Variants in CCSER1 observed in about 807,000 individuals in gnomAD.
CCSER1 encodes serine-rich coiled-coil domain-containing protein 1.
Under a neutral mutation model 82.0 loss-of-function variants are expected in CCSER1, and 41 were observed. That is an observed-to-expected ratio of 0.50 (90% CI 0.39 to 0.65). The LOEUF (loss-of-function observed/expected upper bound fraction) is 0.65, where lower values mean the gene tolerates loss of function less well. Among genes scored for constraint, CCSER1 ranks in the 30% least tolerant of loss-of-function variants. The pLI, the probability that CCSER1 is intolerant of heterozygous loss-of-function variation, is 0.00. For synonymous variants in CCSER1, 414 were observed against 383.9 expected, an observed-to-expected ratio of 1.08 and a Z score of -0.92; for missense variants, 1,119 against 1,064.2, an observed-to-expected ratio of 1.05 and a Z score of -0.72.
chr4:91,553,415 A>C (rs888063137), intron 10 of CCSER1, among the ~76,000 whole-genome samples: 1 of 151,564 alleles, frequency 6.6e-6, no homozygotes, highest in African/African-American at 2.4e-5. Context: ...GCCTCATAAA[A>C]TGAGTTTGAA....
At chr4:91,162,406 C>T (rs2148980125) in intron 10 of CCSER1, among the ~76,000 whole-genome samples, 1 of 152,194 alleles carries the variant, frequency 6.6e-6, no homozygotes, top group South Asian at 2.1e-4. Context: ...TTGGTTGTGG[C>T]TCTGTCAGGC....
intron 6 of CCSER1, among the ~76,000 whole-genome samples, chr4:90,632,733 G>T (rs960653463): frequency 1.3e-5 from 2 of 152,026 alleles, no homozygotes; most frequent in Non-Finnish European, 2.9e-5. Flanking sequence ...TAGACTGTTG[G>T]TATTAAACAT....
At chr4:90,357,476 T>C (rs1050277055) in intron 3 of CCSER1, among the ~76,000 whole-genome samples, 2 of 151,978 alleles carry the variant, frequency 1.3e-5, no homozygotes, top group Admixed American at 6.6e-5. Flanking sequence ...AAATGTTTTG[T>C]GGAGGAACCA....
At chr4:91,554,562 A>G (rs530450411) in intron 10 of CCSER1, among the ~76,000 whole-genome samples, 2 of 151,480 alleles carry the variant, frequency 1.3e-5, no homozygotes, top group East Asian at 3.9e-4. Flanking sequence ...ATGTAAATAA[A>G]TGGAAAAATA....
At chr4:91,023,435 G>C (rs940995879) in intron 9 of CCSER1, among the ~76,000 whole-genome samples, 24 of 152,174 alleles carry the variant, frequency 1.6e-4, no homozygotes, top group Middle Eastern at 3.4e-3. Flanking sequence ...ACCAAAACAG[G>C]ATGGTACTGG....
intron 10 of CCSER1, among the ~76,000 whole-genome samples, chr4:91,176,950 G>A (rs1397101305): frequency 3.3e-5 from 5 of 152,144 alleles, no homozygotes; most frequent in Non-Finnish European, 7.3e-5. Context: ...GATATTGGCT[G>A]TGGGTTTGTC....
chr4:90,482,532 C>T (rs1189538453), intron 5 of CCSER1, among the ~76,000 whole-genome samples: 2 of 152,222 alleles, frequency 1.3e-5, no homozygotes, highest in African/African-American at 2.4e-5. Flanking sequence ...TCTCTCTACA[C>T]ACTGCTTTGA....
At chr4:90,506,135 G>T in intron 5 of CCSER1, among the ~76,000 whole-genome samples, 1 of 152,188 alleles carries the variant, frequency 6.6e-6, no homozygotes, top group East Asian at 1.9e-4. Context: ...ATGAGCACAA[G>T]AAGCAGAGTT....
At chr4:90,476,509 G>C (rs1765132299) in intron 5 of CCSER1, among the ~76,000 whole-genome samples, 1 of 151,966 alleles carries the variant, frequency 6.6e-6, no homozygotes, top group Admixed American at 6.6e-5. Context: ...TGTATTACTG[G>C]TACCTTGTGA....
intron 4 of CCSER1, among the ~76,000 whole-genome samples, chr4:90,419,333 T>C (rs1756332671): frequency 6.6e-6 from 1 of 151,968 alleles, no homozygotes; most frequent in Admixed American, 6.6e-5. Context: ...ATAGTAATCC[T>C]GTCATACATT....
intron 3 of CCSER1, among the ~76,000 whole-genome samples, chr4:90,344,600 A>G (rs1311005040): frequency 3.3e-5 from 5 of 152,142 alleles, no homozygotes; most frequent in African/African-American, 1.2e-4. Flanking sequence ...GAAAATTTAT[A>G]AGTTGAGCCA....
chr4:91,169,371 A>G (rs980089476), intron 10 of CCSER1, among the ~76,000 whole-genome samples: 5 of 152,126 alleles, frequency 3.3e-5, no homozygotes, highest in African/African-American at 1.2e-4. Flanking sequence ...CTATAATCCC[A>G]GCACTTTGGG....
intron 9 of CCSER1, among the ~76,000 whole-genome samples, chr4:90,936,416 C>G (rs1332589728): frequency 6.6e-6 from 1 of 152,140 alleles, no homozygotes. Flanking sequence ...GTGAACTTTA[C>G]TATTTCCTTG....
At chr4:90,340,287 A>T (rs1325963268) in intron 3 of CCSER1, among the ~76,000 whole-genome samples, 1 of 152,196 alleles carries the variant, frequency 6.6e-6, no homozygotes, top group East Asian at 1.9e-4. Context: ...GCAAGGCTCC[A>T]AATATATCTA....
At chr4:90,878,105 CTGAAACTAAGTCTCACTT>C (rs1352724303) in intron 8 of CCSER1, among the ~76,000 whole-genome samples, 1 of 152,122 alleles carries the variant, frequency 6.6e-6, no homozygotes, top group Non-Finnish European at 1.5e-5. Flanking sequence ...CATTGTGAAA[CTGAAACTAAGTCTCACTT>C]TTATGGACTA....
chr4:90,934,105 T>C (rs1253588430), intron 9 of CCSER1, among the ~76,000 whole-genome samples: 1 of 151,910 alleles, frequency 6.6e-6, no homozygotes, highest in East Asian at 1.9e-4. Flanking sequence ...TGATCATTTT[T>C]TGTAACAGTT....
chr4:90,709,311 G>A (rs969968170), intron 6 of CCSER1, among the ~76,000 whole-genome samples: 1 of 152,056 alleles, frequency 6.6e-6, no homozygotes, highest in African/African-American at 2.4e-5. Context: ...AGGGGTACAT[G>A]TGCAGGGTGT....
chr4:90,918,502 TG>T (rs1175901928), intron 8 of CCSER1, among the ~76,000 whole-genome samples: 6 of 152,012 alleles, frequency 3.9e-5, no homozygotes, highest in African/African-American at 1.4e-4. Context: ...GGCTTTGTCT[TG>T]GTTTTGATTT....
At chr4:90,372,937 A>G (rs1747692021) in intron 3 of CCSER1, among the ~76,000 whole-genome samples, 1 of 151,520 alleles carries the variant, frequency 6.6e-6, no homozygotes, top group Non-Finnish European at 1.5e-5. Context: ...CTAAAGAAAT[A>G]AAAGGATAAA....
Sources: gnomAD v4.1 joint callset for allele counts (sites outside exome capture counted in the v4.1 genomes callset) on GRCh38, gnomAD v4.1.1 for gene constraint, MANE v1.5 for transcripts, NCBI Gene and HGNC (gene_info 2026-07-23, HGNC 2026-07-21) for gene names.